The following ALG8 variants were observed in gnomAD, a reference collection of about 807,000 sequenced individuals.
ALG8 encodes dolichyl pyrophosphate Glc1Man9GlcNAc2 alpha-1,3-glucosyltransferase.
ALG8 carries 48 observed loss-of-function variants against 70.2 expected under a neutral mutation model. The ratio of observed to expected loss-of-function variants is 0.68; its 90% CI spans 0.54 to 0.87. The LOEUF (loss-of-function observed/expected upper bound fraction) is 0.87. Among genes scored for constraint, ALG8 ranks in the 40% least tolerant of loss-of-function variants. The pLI, the probability that ALG8 is intolerant of heterozygous loss-of-function variation, is 0.00. For synonymous variants in ALG8, 234 were observed against 229.0 expected (o/e 1.02, Z -0.20); for missense variants, 572 against 608.7 (o/e 0.94, Z 0.64).
At chr11:78,107,119 A>G (rs1860067981) in intron 9 of ALG8, among the ~76,000 whole-genome samples, 173 bp from the exon 10 acceptor site, 1 of 151,530 alleles carries the variant, frequency 6.6e-6, no homozygotes, top group Admixed American at 6.6e-5. Flanking sequence ...AGTTAACATA[A>G]AAGCAACAAC....
chr11:78,107,916 G>A (rs1860117951), intron 9 of ALG8, among the ~76,000 whole-genome samples: 1 of 151,496 alleles, frequency 6.6e-6, no homozygotes, highest in Non-Finnish European at 1.5e-5. Flanking sequence ...GGAGGCTGAT[G>A]CAAGTCGATT....
In ALG8 at chr11:78,106,897, A is replaced by G; in HGVS notation, c.1088T>C (p.Leu363Pro). 6.2e-7 allele frequency: 1 copy of G among 1,614,148 alleles called. No homozygotes were observed. Among genetic ancestry groups the G allele is most frequent in the Admixed American group, 1.7e-5 (1 of 60,006 alleles). ...WFKPQGPRGF[L>P]RCLTLCALSS... ...CAAGGCACAAAGAGTTAGACATCGGAGAAAGCCTCTGGGCCCTTGGGGTTT... is the reference window on the plus strand; with the variant it reads ...CAAGGCACAAAGAGTTAGACATCGGGGAAAGCCTCTGGGCCCTTGGGGTTT... Residue 363 changes from leucine to proline, a missense_variant, in exon 10 of 13, where the codon CTC (leucine) becomes CCC (proline). By Grantham distance (98) the Leu-to-Pro change is moderately conservative. Coordinates refer to ENST00000299626, the MANE Select transcript of ALG8 (RefSeq NM_024079.5).
At chr11:78,126,859 C>T (rs570122975) in intron 2 of ALG8, among the ~76,000 whole-genome samples, 3 of 152,268 alleles carry the variant, frequency 2.0e-5, no homozygotes, top group East Asian at 3.9e-4. Context: ...AGATATTATA[C>T]CTCCCAATTT....
intron 1 of ALG8, among the ~76,000 whole-genome samples, chr11:78,133,802 T>C (rs561486876): frequency 9.2e-5 from 14 of 151,520 alleles, no homozygotes; most frequent in Non-Finnish European, 1.8e-4. Context: ...CTCGGTAGGC[T>C]GAGGCAGAAG....
chr11:78,136,302 A>G (rs1861548247), intron 1 of ALG8, among the ~76,000 whole-genome samples: 1 of 141,364 alleles, frequency 7.1e-6, no homozygotes, highest in African/African-American at 2.9e-5. Context: ...GTCTCTACCA[A>G]AAAGAAAAAA....
intron 1 of ALG8, among the ~76,000 whole-genome samples, chr11:78,132,608 C>T (rs965796480): frequency 6.6e-6 from 1 of 152,084 alleles, no homozygotes; most frequent in African/African-American, 2.4e-5. Context: ...ATCATAGCTG[C>T]CCAAATAGGT....
intron 7 of ALG8, 145 bp downstream of exon 7, chr11:78,113,741 C>T (rs575239774): frequency 1.7e-5 from 9 of 522,380 alleles, no homozygotes; most frequent in African/African-American, 1.6e-4. Flanking sequence ...AAAAGGAATA[C>T]TGCCCTATCT....
chr11:78,113,848 A>T, intron 7 of ALG8, 38 bp downstream of exon 7: 3 of 1,419,790 alleles, frequency 2.1e-6, no homozygotes, highest in Non-Finnish European at 2.9e-6. Context: ...CCAACAAAGA[A>T]CATGTATTAA....
intron 1 of ALG8, among the ~76,000 whole-genome samples, chr11:78,129,413 C>T (rs1311871098): frequency 2.8e-5 from 1 of 35,426 alleles, no homozygotes; most frequent in Non-Finnish European, 5.6e-5. Flanking sequence ...GAGCAAGACT[C>T]CGTCTCAAAA....
rs745818926 is a variant in ALG8 at position 78,121,243 on chromosome 11, TA to T, written c.369-70del. On this transcript the variant is annotated intron_variant, in intron 3 of 12. Transcript: ENST00000299626. ...TCATCGGAACATCACTTCTGCAGAG[TA>T]AACTATGATACATTAGTCATTCCTG... The T allele has an allele frequency of 1.6e-5, 17 of 1,046,466 alleles. No individual in the cohort carries two copies. The African/African-American group carries it at 2.6e-4, about 16-fold the overall frequency. The allele number at this position is 1,046,466 out of a possible 1,614,324, so 64.8% of individuals were successfully genotyped here.
chr11:78,130,467 C>G (rs749111757), intron 1 of ALG8, among the ~76,000 whole-genome samples: 2 of 150,766 alleles, frequency 1.3e-5, no homozygotes, highest in African/African-American at 2.4e-5. Context: ...ATGCTTTTTA[C>G]AGATGTATTC....
At chr11:78,101,850 T>A (rs908372833) in intron 12 of ALG8, among the ~76,000 whole-genome samples, 1 of 151,944 alleles carries the variant, frequency 6.6e-6, no homozygotes, top group Non-Finnish European at 1.5e-5. Flanking sequence ...TTAAAAAAAA[T>A]TTTCTTTTTG....
intron 1 of ALG8, among the ~76,000 whole-genome samples, chr11:78,129,897 GA>G (rs1201139958): frequency 6.6e-6 from 1 of 151,768 alleles, no homozygotes; most frequent in East Asian, 1.9e-4. Context: ...TGATAAGAAT[GA>G]AAAAACAGTA....
chr11:78,114,255 C>T lies in ALG8; in HGVS notation c.673+11G>A. ...ATCGAAAATGTTTTTGCTATTATTA[C>T]CAAAACTTGCCTGGTTTATTTGCAG... On this transcript the variant is annotated intron_variant, in intron 6 of 12. Transcript: ENST00000299626. 1 of 1,613,914 alleles carries T rather than the reference C, an allele frequency of 6.2e-7. No individual in the cohort carries two copies. The highest frequency in any genetic ancestry group is 8.5e-7 in the Non-Finnish European group (1 of 1,179,976).
intron 8 of ALG8, chr11:78,112,383 A>G: frequency 2.5e-6 from 1 of 402,830 alleles, no homozygotes. Context: ...AATTACCTTT[A>G]TAGAGTGTCT....
intron 12 of ALG8, among the ~76,000 whole-genome samples, chr11:78,101,989 C>T (rs1274666685): frequency 2.0e-5 from 3 of 152,190 alleles, no homozygotes; most frequent in African/African-American, 7.2e-5. Flanking sequence ...TTACAGGCGC[C>T]TGCCACCATG....
Position 78,114,576 on chromosome 11 carries a change from T to G in ALG8, c.547-184A>C, listed in dbSNP as rs569888914. 5.7e-5 allele frequency: 40 copies of G among 695,654 alleles called. No homozygotes were observed. In the African/African-American group the frequency reaches 6.3e-4, roughly 11 times the overall value. The allele number at this position is 695,654 out of a possible 1,614,324, so 43.1% of individuals were successfully genotyped here. ...GTACCATGGTTATGTAAGGTGGTAATGGGGGAAAATGGGTGAGGGATATAT... is the reference window on the plus strand; with the variant it reads ...GTACCATGGTTATGTAAGGTGGTAAGGGGGGAAAATGGGTGAGGGATATAT... On this transcript the variant is annotated intron_variant, in intron 5 of 12. Coordinates refer to ENST00000299626, the MANE Select transcript of ALG8 (RefSeq NM_024079.5).
intron 1 of ALG8, among the ~76,000 whole-genome samples, chr11:78,136,145 G>C (rs895690313): frequency 1.3e-5 from 2 of 151,932 alleles, no homozygotes; most frequent in Non-Finnish European, 2.9e-5. Context: ...ACTCCAGCCT[G>C]ACAAAGTGAA....
Position 78,106,573 on chromosome 11 carries a change from A to G in ALG8, c.1178+234T>C, listed in dbSNP as rs112629321. On this transcript the variant is annotated intron_variant, in intron 10 of 12. Coordinates refer to ENST00000299626, the MANE Select transcript of ALG8 (RefSeq NM_024079.5). ...CCGGCTTTCATGGTACTTAATCACT[A>G]CAGTGCTTCTTTCCAAAAACGCAGA... Among the ~76,000 whole-genome samples, 10,602 of 152,206 alleles carry G rather than the reference A, an allele frequency of 0.07. 1,217 individuals carry two copies. The highest frequency in any genetic ancestry group is 0.24 in the African/African-American group (10,011 of 41,496).
Sources: allele counts gnomAD v4.1 joint callset (sites outside exome capture counted in the v4.1 genomes callset), GRCh38; gene constraint gnomAD v4.1.1; transcripts MANE v1.5; gene names NCBI Gene and HGNC (gene_info 2026-07-23, HGNC 2026-07-21).